The following OSBPL8 variants were observed in gnomAD, a reference collection of about 807,000 sequenced individuals.
OSBPL8 encodes the protein oxysterol-binding protein-related protein 8.
In OSBPL8, 59 loss-of-function variants were observed where a neutral mutation model predicts 125.5. The observed-to-expected ratio is 0.47, with a 90% CI of 0.38 to 0.58. The LOEUF (loss-of-function observed/expected upper bound fraction) is 0.58. Among genes scored for constraint, OSBPL8 ranks in the 20% least tolerant of loss-of-function variants. The pLI is 0.00. For synonymous variants in OSBPL8, 330 were observed against 338.9 expected, an observed-to-expected ratio of 0.97 and a Z score of 0.29; for missense variants, 758 against 1,047.8, an observed-to-expected ratio of 0.72 and a Z score of 3.82.
At chr12:76,494,373 ACTGGAGGGTT>A (rs1285931439) in intron 1 of OSBPL8, among the ~76,000 whole-genome samples, 1 of 152,170 alleles carries the variant, frequency 6.6e-6, no homozygotes, top group East Asian at 1.9e-4. Context: ...ATGAGAACCC[ACTGGAGGGTT>A]CTGAGCAAGG....
At chr12:76,364,150 G>A (rs1243262631) in intron 21 of OSBPL8, among the ~76,000 whole-genome samples, 2 of 152,234 alleles carry the variant, frequency 1.3e-5, no homozygotes, top group Middle Eastern at 3.4e-3. Flanking sequence ...CCCATTACTG[G>A]GTATATACCG....
At chr12:76,532,036 C>CA (rs56122052) in intron 1 of OSBPL8, among the ~76,000 whole-genome samples, 22,328 of 89,638 alleles carry the variant, frequency 0.25, 2,637 homozygotes, top group South Asian at 0.36. Flanking sequence ...GACTCCTTCT[C>CA]AAAAAAAAAA....
At chr12:76,415,024 T>A (rs1236612063) in intron 4 of OSBPL8, among the ~76,000 whole-genome samples, 5 of 152,202 alleles carry the variant, frequency 3.3e-5, no homozygotes, top group African/African-American at 1.2e-4. Flanking sequence ...AGTGTTGTAA[T>A]CCATATTCAT....
intron 4 of OSBPL8, among the ~76,000 whole-genome samples, chr12:76,446,039 C>T (rs1872689621): frequency 6.6e-6 from 1 of 152,142 alleles, no homozygotes; most frequent in Non-Finnish European, 1.5e-5. Flanking sequence ...ACCTTACCAA[C>T]TGCTCAGTTT....
At chr12:76,406,684 C>G (rs1302100037) in intron 5 of OSBPL8, among the ~76,000 whole-genome samples, 1 of 152,162 alleles carries the variant, frequency 6.6e-6, no homozygotes, top group Non-Finnish European at 1.5e-5. Context: ...GGTGTGATCA[C>G]AGCTCACTGC....
chr12:76,489,603 G>C (rs1260983363), intron 1 of OSBPL8, among the ~76,000 whole-genome samples: 1 of 152,206 alleles, frequency 6.6e-6, no homozygotes, highest in African/African-American at 2.4e-5. Context: ...GCTCACTGTT[G>C]AGACTACTGC....
chr12:76,544,821 GTTAC>G (rs1457081033), intron 1 of OSBPL8, among the ~76,000 whole-genome samples: 4 of 151,144 alleles, frequency 2.6e-5, no homozygotes, highest in African/African-American at 9.7e-5. Flanking sequence ...GACTGAACAT[GTTAC>G]TTAAACACTG....
At position 76,502,632 on chromosome 12, in the gene OSBPL8, G is replaced by A. The variant is rs928302437; in HGVS notation, c.-67-15014C>T. 2.0e-5 allele frequency among the ~76,000 whole-genome samples: 3 copies of A among 152,234 alleles called. No homozygotes were observed. The South Asian group carries it at 6.2e-4, about 32-fold the overall frequency. On this transcript the variant is annotated intron_variant, in intron 1 of 23. Transcript: ENST00000261183. ...GGATATCTTTTAGTACTGCATGTTC[G>A]GTGATTAAAGTCAACAGAAAATCAC...
chr12:76,488,322 TTATATA>T (rs774256314), intron 1 of OSBPL8, among the ~76,000 whole-genome samples: 24 of 152,286 alleles, frequency 1.6e-4, no homozygotes, highest in African/African-American at 5.8e-4. Context: ...ATGGAACATT[TTATATA>T]TATAAGATAC....
At chr12:76,439,623 T>C (rs1871940535) in intron 4 of OSBPL8, among the ~76,000 whole-genome samples, 1 of 152,166 alleles carries the variant, frequency 6.6e-6, no homozygotes, top group South Asian at 2.1e-4. Context: ...TTTGTAAACC[T>C]GAGTTTCATG....
intron 1 of OSBPL8, among the ~76,000 whole-genome samples, chr12:76,548,228 T>C (rs1040001): frequency 0.5 from 76,176 of 151,498 alleles, 20,569 homozygotes; most frequent in East Asian, 0.9. Flanking sequence ...AGAAAGAAAA[T>C]CCAACAAATT....
At chr12:76,423,067 T>C (rs1869699768) in intron 4 of OSBPL8, 1 of 154,176 alleles carries the variant, frequency 6.5e-6, no homozygotes, top group Admixed American at 6.4e-5. Flanking sequence ...TATGTTTCTG[T>C]ACTATCCGGC....
chr12:76,414,608 G>A (rs1358768903), intron 4 of OSBPL8, among the ~76,000 whole-genome samples: 2 of 150,756 alleles, frequency 1.3e-5, no homozygotes, highest in East Asian at 3.9e-4. Context: ...CATGTCACTA[G>A]GCCTGACTTT....
In OSBPL8 at chr12:76,356,654, T is replaced by C. The variant is rs1951997714; in HGVS notation, c.2509A>G (p.Ile837Val). Residue 837 changes from isoleucine (I) to valine (V), a missense_variant, in exon 23 of 24, where the codon ATA (isoleucine) becomes GTA (valine). Ile to Val is a conservative substitution (Grantham distance 29). This residue lies in a region of OSBPL8 where 572 missense variants were observed against 762.0 expected (regional missense o/e 0.75). Coordinates refer to ENST00000261183, the MANE Select transcript of OSBPL8 (RefSeq NM_020841.5). ...TTAATTTCTTCCTGTGTTTGTTTTA[T>C]AGATTCGATGGAACTCTGAATGTCT... is the stretch of plus-strand genomic sequence containing the variant. The part of the protein sequence containing the change: ...LGDIQSSIES[I>V]KQTQEEIKRN... The C allele has an allele frequency of 5.6e-6, 9 of 1,608,852 alleles. No individual in the cohort carries two copies. In the East Asian group the frequency reaches 8.9e-5, roughly 16 times the overall value.
chr12:76,358,144 C>T (rs1487037190), intron 22 of OSBPL8, among the ~76,000 whole-genome samples: 2 of 148,726 alleles, frequency 1.3e-5, no homozygotes, highest in African/African-American at 2.5e-5. Flanking sequence ...GTTAACAAGG[C>T]ATAAGAGGTA....
chr12:76,445,358 CAT>C (rs1421577348), intron 4 of OSBPL8, among the ~76,000 whole-genome samples: 2 of 152,012 alleles, frequency 1.3e-5, no homozygotes, highest in African/African-American at 4.8e-5. Flanking sequence ...AAGTTTGAAT[CAT>C]AGGAAAAACT....
intron 1 of OSBPL8, among the ~76,000 whole-genome samples, chr12:76,517,738 T>A (rs1881693496): frequency 6.6e-6 from 1 of 152,168 alleles, no homozygotes; most frequent in Non-Finnish European, 1.5e-5. Context: ...GAGGCTTCAC[T>A]GAGCTTTTAC....
chr12:76,465,968 T>C lies in OSBPL8; in HGVS notation c.43-6073A>G, dbSNP rs902365111. On this transcript the variant is annotated intron_variant, in intron 2 of 23. Transcript: ENST00000261183. ...TTGCAGTAAGCCGAGATCACACCAC[T>C]GCACTACTGGGCAAAAGAGCAAGAC... 1.1e-4 allele frequency among the ~76,000 whole-genome samples: 16 copies of C among 151,866 alleles called. 1 individual carries two copies.
chr12:76,404,782 C>A (rs531971884), intron 5 of OSBPL8, among the ~76,000 whole-genome samples: 2 of 152,252 alleles, frequency 1.3e-5, no homozygotes, highest in South Asian at 4.1e-4. Context: ...ATCAGTAAGG[C>A]TTCTGGTCAA....
Sources: gnomAD v4.1 joint callset for allele counts (sites outside exome capture counted in the v4.1 genomes callset) on GRCh38, gnomAD v4.1.1 for gene constraint, gnomAD v4.1.1 regional missense constraint, MANE v1.5 for transcripts, NCBI Gene and HGNC (gene_info 2026-07-23, HGNC 2026-07-21) for gene names.